MORN1: variants seen among roughly 807,000 people sequenced by gnomAD.
MORN1 encodes MORN repeat containing 1, also known as MORN repeat-containing protein 1.
In MORN1, 67 loss-of-function variants were observed where a neutral mutation model predicts 61.9. That is an observed-to-expected ratio of 1.08 (90% CI 0.89 to 1.33). The LOEUF is 1.33. Ranked by LOEUF, MORN1 falls within the 40% of genes most tolerant of loss-of-function variation. The pLI is 0.00. For missense variants in MORN1, 752 were observed against 691.2 expected (o/e 1.09, Z -0.99); for synonymous variants, 301 against 292.0 (o/e 1.03, Z -0.31).
chr1:2,336,890 A>G (rs778203542), intron 10 of MORN1, 40 bp from the exon 11 acceptor site: 2 of 1,505,824 alleles, frequency 1.3e-6, no homozygotes, highest in South Asian at 2.7e-5. Flanking sequence ...TGAGGGGCTC[A>G]GGGCGGAGAC....
In MORN1 at chr1:2,337,200, G is replaced by T. The variant is rs370211934; in HGVS notation, c.1037-350C>A. Among the ~76,000 whole-genome samples, 8 of 152,214 alleles carry T rather than the reference G, an allele frequency of 5.3e-5. No individual in the cohort carries two copies. The highest frequency in any genetic ancestry group is 7.2e-5 in the African/African-American group (3 of 41,438). On this transcript the variant is annotated intron_variant, in intron 10 of 13. Transcript: ENST00000378531. This position sits in a 1 kb window ranked among gnomAD's most constrained non-coding sequence, Gnocchi z 5.7. The stretch of plus-strand genomic sequence containing the variant: ...TCGCTTCCAGGGTAGGGCCGGGACC[G>T]GGGCCCTGGCCGGAGAGGCTGGCGC...
intron 8 of MORN1, among the ~76,000 whole-genome samples, chr1:2,366,291 C>T (rs1193090574): frequency 6.0e-5 from 8 of 132,786 alleles, no homozygotes; most frequent in Admixed American, 9.3e-5. Context: ...AACACATGGA[C>T]ACAGGAAGGG....
intron 10 of MORN1, among the ~76,000 whole-genome samples, chr1:2,344,261 G>A (rs1641462049): frequency 6.6e-6 from 1 of 152,180 alleles, no homozygotes; most frequent in African/African-American, 2.4e-5. Context: ...GGCACAAGGG[G>A]CTGGCGGGCC....
chr1:2,322,853 G>A (rs573756085), intron 13 of MORN1: 95 of 985,432 alleles, frequency 9.6e-5, no homozygotes, highest in South Asian at 3.8e-4. Flanking sequence ...GCGTCCCGGC[G>A]GATGGGAAGG....
intron 6 of MORN1, chr1:2,375,210 T>C (rs1642207064): frequency 6.6e-6 from 1 of 152,238 alleles, no homozygotes; most frequent in Non-Finnish European, 1.5e-5. Context: ...ATTACTTCTA[T>C]TAGAAGAAAA....
chr1:2,388,178 A>T, intron 3 of MORN1, 61 bp downstream of exon 3: 1 of 1,354,734 alleles, frequency 7.4e-7, no homozygotes, highest in Non-Finnish European at 1.1e-6. Flanking sequence ...GACTCGGCGG[A>T]CCAACTGAGC....
chr1:2,327,750 C>G (rs1475224996), intron 12 of MORN1, among the ~76,000 whole-genome samples: 2 of 152,242 alleles, frequency 1.3e-5, no homozygotes, highest in Non-Finnish European at 2.9e-5. Flanking sequence ...CTCTGCAAGG[C>G]TAACAAGGTG....
At chr1:2,391,362 C>G in intron 1 of MORN1, 96 bp downstream of exon 1, 1 of 1,221,714 alleles carries the variant, frequency 8.2e-7, no homozygotes, top group East Asian at 3.2e-5. Flanking sequence ...CTCTACTTTC[C>G]GAGGTGAGCA....
chr1:2,367,023 C>T lies in MORN1; in HGVS notation c.745+5458G>A, dbSNP rs1020170766. On this transcript the variant is annotated intron_variant, in intron 8 of 13. Coordinates refer to ENST00000378531, the MANE Select transcript of MORN1 (RefSeq NM_024848.3). ...ACATAGAAAAATACATAGAAAAATA[C>T]GTAGAAAAACAATAATATCAACAAA... 5.3e-5 allele frequency among the ~76,000 whole-genome samples: 8 copies of T among 150,550 alleles called. No individual in the cohort carries two copies. The South Asian group carries it at 1.0e-3, about 20-fold the overall frequency.
At chr1:2,354,534 T>A (rs934363753) in intron 10 of MORN1, among the ~76,000 whole-genome samples, 15 of 152,132 alleles carry the variant, frequency 9.9e-5, no homozygotes, top group Non-Finnish European at 1.6e-4. Context: ...GCCACTGCAC[T>A]CCAGCCTGGG....
rs1557871659 is a variant in MORN1 at position 2,337,884 on chromosome 1, A to G, written c.1037-1034T>C. On this transcript the variant is annotated intron_variant, in intron 10 of 13. Transcript: ENST00000378531. The surrounding 1 kb of genome is among the most constrained non-coding windows in gnomAD (Gnocchi z 5.7). Reference sequence around the variant, plus strand: ...ATGAGTGTCCCCACCAGGCAGTGACACCATCAAAAAAACAGAAGAGACCCA... The same window carrying G: ...ATGAGTGTCCCCACCAGGCAGTGACGCCATCAAAAAAACAGAAGAGACCCA... Among the ~76,000 whole-genome samples, 1 of 152,190 alleles carries G rather than the reference A, an allele frequency of 6.6e-6. No individual in the cohort carries two copies. The highest frequency in any genetic ancestry group is 1.5e-5 in the Non-Finnish European group (1 of 68,026).
chr1:2,361,770 CAT>C (rs1402675363), intron 8 of MORN1, among the ~76,000 whole-genome samples: 10 of 152,144 alleles, frequency 6.6e-5, no homozygotes, highest in South Asian at 4.1e-4. Flanking sequence ...TGAACATCCA[CAT>C]GTCAATTCCG....
chr1:2,370,674 CTT>C (rs34105463), intron 8 of MORN1, among the ~76,000 whole-genome samples: 76,733 of 142,522 alleles, frequency 0.54, 20,648 homozygotes, highest in East Asian at 0.79. Flanking sequence ...TTTTTTTCTT[CTT>C]TTTTTTTTTT....
chr1:2,384,604 C>G (rs919488315), intron 6 of MORN1, among the ~76,000 whole-genome samples: 1 of 152,206 alleles, frequency 6.6e-6, no homozygotes, highest in Non-Finnish European at 1.5e-5. Context: ...AGGCTCCCAT[C>G]GGTGGAGAAG....
chr1:2,388,524 G>A (rs1477399969), intron 2 of MORN1, 187 bp from the exon 3 acceptor site: 8 of 559,040 alleles, frequency 1.4e-5, no homozygotes, highest in Middle Eastern at 4.3e-4. Context: ...GCCGAAACAC[G>A]CTTGAGCGGC....
chr1:2,338,702 A>G (rs1285296759), intron 10 of MORN1, among the ~76,000 whole-genome samples: 2 of 152,204 alleles, frequency 1.3e-5, no homozygotes, highest in Non-Finnish European at 2.9e-5. Flanking sequence ...CCTGGCGTGC[A>G]AATAAACATA....
chr1:2,367,334 A>T (rs77947903), intron 8 of MORN1, among the ~76,000 whole-genome samples: 1 of 151,714 alleles, frequency 6.6e-6, no homozygotes, highest in East Asian at 1.9e-4. Flanking sequence ...AGAAAAAGAA[A>T]AAAGGCCAGG....
chr1:2,385,003 C>T lies in MORN1; in HGVS notation c.512G>A (p.Arg171His), dbSNP rs142675526. ...RDRRQGHGVL[R>H]CADGSTYKGQ... ...CTTGTAGGTGGAGCCGTCGGCGCAG[C>T]GCAGCACCCCGTGTCCCTGACGCCG... The change falls in exon 6 of 14, where the codon CGC becomes CAC. Residue 171 changes from arginine (R) to histidine (H), a missense_variant. Coordinates refer to ENST00000378531, the MANE Select transcript of MORN1 (RefSeq NM_024848.3). 4.8e-4 allele frequency: 763 copies of T among 1,593,524 alleles called. 6 individuals carry two copies. The African/African-American group carries it at 9.0e-3, about 19-fold the overall frequency.
chr1:2,384,891 G>T, intron 6 of MORN1, 87 bp downstream of exon 6: 3 of 1,185,502 alleles, frequency 2.5e-6, no homozygotes, highest in South Asian at 1.6e-5. Context: ...GAAGCTGCCA[G>T]GGTGAGGCTC....
Sources: allele counts gnomAD v4.1 joint callset (sites outside exome capture counted in the v4.1 genomes callset), GRCh38; gene constraint gnomAD v4.1.1; non-coding constraint Gnocchi (gnomAD v3.1); transcripts MANE v1.5; gene names NCBI Gene and HGNC (gene_info 2026-07-23, HGNC 2026-07-21).